NPHP1: variants seen among roughly 807,000 people sequenced by gnomAD.
The protein encoded by NPHP1 is nephrocystin 1, also known as nephrocystin-1.
NPHP1 carries 70 observed loss-of-function variants against 90.4 expected under a neutral mutation model. The observed-to-expected ratio is 0.77, with a 90% CI of 0.64 to 0.95. NPHP1 has a LOEUF of 0.95. NPHP1 is among the 40% of genes least tolerant of loss of function. The pLI is 0.00. For synonymous variants in NPHP1, 256 were observed against 271.7 expected (o/e 0.94, Z 0.57); for missense variants, 764 against 795.9 (o/e 0.96, Z 0.48).
intron 2 of NPHP1, among the ~76,000 whole-genome samples, chr2:110,190,071 G>A (rs1353128985): frequency 6.6e-6 from 1 of 152,184 alleles, no homozygotes; most frequent in African/African-American, 2.4e-5. Context: ...TACAAACCTT[G>A]AGCTAGATAC....
At chr2:110,194,442 C>G (rs1469771373) in intron 2 of NPHP1, among the ~76,000 whole-genome samples, 1 of 152,066 alleles carries the variant, frequency 6.6e-6, no homozygotes, top group Non-Finnish European at 1.5e-5. Context: ...ATACACCCTC[C>G]CAAGACTAAA....
At chr2:110,181,088 A>C (rs1034051532) in intron 2 of NPHP1, among the ~76,000 whole-genome samples, 2 of 152,136 alleles carry the variant, frequency 1.3e-5, no homozygotes, top group African/African-American at 4.8e-5. Flanking sequence ...GTTAAGACCC[A>C]CTGGCTTGGA....
At chr2:110,204,605 G>A (rs1685802858) in intron 1 of NPHP1, among the ~76,000 whole-genome samples, 1 of 152,104 alleles carries the variant, frequency 6.6e-6, no homozygotes, top group African/African-American at 2.4e-5. Context: ...AGTTGTTAGG[G>A]TAGGAGGTTG....
intron 11 of NPHP1, among the ~76,000 whole-genome samples, chr2:110,156,043 G>A (rs1681862219): frequency 6.6e-6 from 1 of 151,252 alleles, no homozygotes; most frequent in African/African-American, 2.4e-5. Context: ...AAACCAGTAG[G>A]AAGTGATTGA....
At chr2:110,126,394 C>G (rs1272750498) in intron 18 of NPHP1, 2 of 152,494 alleles carry the variant, frequency 1.3e-5, no homozygotes, top group Admixed American at 1.3e-4. Context: ...AGCAGGGAGG[C>G]CCTGGGATGA....
Position 110,131,753 on chromosome 2 carries a change from A to C in NPHP1, c.1568T>G (p.Ile523Ser). Reference sequence around the variant, plus strand: ...TTGTCGATAAAATATCAACAAGTGAATAGAACACATATTTCCAATTAATGT... The same window carrying C: ...TTGTCGATAAAATATCAACAAGTGACTAGAACACATATTTCCAATTAATGT... The part of the protein sequence containing the change: ...PETLIGNMCS[I>S]HLLIFYRQIL... The change falls in exon 17 of 20, where the codon ATT (isoleucine) becomes AGT (serine). Residue 523 changes from isoleucine (I) to serine (S), a missense_variant. Coordinates refer to ENST00000445609, the MANE Select transcript of NPHP1 (RefSeq NM_001128178.3). The C allele has an allele frequency of 6.2e-7, 1 of 1,611,986 alleles. No homozygotes were observed. Among genetic ancestry groups the C allele is most frequent in the Non-Finnish European group, 8.5e-7 (1 of 1,178,116 alleles).
At chr2:110,183,578 T>G (rs1684064277) in intron 2 of NPHP1, among the ~76,000 whole-genome samples, 1 of 152,138 alleles carries the variant, frequency 6.6e-6, no homozygotes, top group South Asian at 2.1e-4. Context: ...TTTCTGTGTG[T>G]GTGTCTTTAA....
intron 4 of NPHP1, 81 bp downstream of exon 4, chr2:110,178,342 T>G: frequency 1.5e-6 from 2 of 1,309,838 alleles, no homozygotes; most frequent in Non-Finnish European, 1.1e-6. Flanking sequence ...TCTATACTGC[T>G]ATATGTCTTT....
intron 10 of NPHP1, among the ~76,000 whole-genome samples, 169 bp downstream of exon 10, chr2:110,161,434 G>T (rs1429962465): frequency 1.3e-5 from 2 of 152,132 alleles, no homozygotes. Context: ...AGTCAAGGTA[G>T]CAAGTCCAAA....
intron 17 of NPHP1, among the ~76,000 whole-genome samples, chr2:110,130,913 G>A (rs1361503438): frequency 1.3e-5 from 2 of 152,152 alleles, no homozygotes; most frequent in African/African-American, 2.4e-5. Flanking sequence ...TTTCAAAAGG[G>A]TGGAGAGGAT....
intron 1 of NPHP1, among the ~76,000 whole-genome samples, chr2:110,202,145 G>GTATTGA (rs924484561): frequency 6.6e-6 from 1 of 152,068 alleles, no homozygotes; most frequent in Non-Finnish European, 1.5e-5. Flanking sequence ...GGTATCCATT[G>GTATTGA]TATTGAATGT....
At position 110,129,262 on chromosome 2, in the gene NPHP1, G is replaced by C; in HGVS notation, c.1643-3C>G. On this transcript the variant is annotated splice_polypyrimidine_tract_variant and splice_region_variant and intron_variant, in intron 17 of 19. Transcript: ENST00000445609. ...CAGCATGGGATGGCTAATTAAATCTGAAATGCAAAACAACAGAAAGAATTT... is the reference window on the plus strand; with the variant it reads ...CAGCATGGGATGGCTAATTAAATCTCAAATGCAAAACAACAGAAAGAATTT... The C allele has an allele frequency of 6.2e-7, 1 of 1,610,988 alleles. No individual in the cohort carries two copies. Among genetic ancestry groups the C allele is most frequent in the East Asian group, 2.2e-5 (1 of 44,872 alleles).
chr2:110,151,622 G>A (rs1681477530), intron 11 of NPHP1, among the ~76,000 whole-genome samples: 1 of 151,916 alleles, frequency 6.6e-6, no homozygotes, highest in Non-Finnish European at 1.5e-5. Context: ...GTATTTTATG[G>A]GCAGCTGGAT....
intron 4 of NPHP1, among the ~76,000 whole-genome samples, chr2:110,177,842 A>G (rs1016516675): frequency 6.6e-6 from 1 of 152,018 alleles, no homozygotes; most frequent in African/African-American, 2.4e-5. Context: ...TCTGGGCTCA[A>G]GCAATCCTCC....
intron 4 of NPHP1, among the ~76,000 whole-genome samples, chr2:110,171,416 T>C (rs1436420093): frequency 6.6e-6 from 1 of 152,142 alleles, no homozygotes; most frequent in Non-Finnish European, 1.5e-5. Context: ...TCATTAACTA[T>C]AAAACTAGTC....
chr2:110,165,339 G>A (rs1682658239), intron 6 of NPHP1, among the ~76,000 whole-genome samples, 184 bp from the exon 7 acceptor site: 1 of 152,050 alleles, frequency 6.6e-6, no homozygotes, highest in African/African-American at 2.4e-5. Flanking sequence ...TAGTATATAT[G>A]ATGAGCATAT....
At position 110,144,522 on chromosome 2, in the gene NPHP1, A is replaced by G; in HGVS notation, c.1400T>C (p.Ile467Thr). The change falls in exon 15 of 20, where the codon ATT (isoleucine) becomes ACT (threonine). Residue 467 changes from isoleucine to threonine, a missense_variant. By Grantham distance (89) the Ile-to-Thr change is moderately conservative. Coordinates refer to ENST00000445609, the MANE Select transcript of NPHP1 (RefSeq NM_001128178.3). The part of the protein sequence containing the change: ...LNGGTPYEKG[I>T]EVDPSISRRA... ...TCTGGATATTGAAGGGTCCACTTCA[A>G]TACCTTTTTCATAAGGAGTACCACC... 1 of 1,607,614 alleles carries G rather than the reference A, an allele frequency of 6.2e-7. No individual in the cohort carries two copies. Among genetic ancestry groups the G allele is most frequent in the Non-Finnish European group, 8.5e-7 (1 of 1,174,236 alleles).
chr2:110,186,518 C>T (rs1345569436), intron 2 of NPHP1, among the ~76,000 whole-genome samples: 1 of 152,086 alleles, frequency 6.6e-6, no homozygotes, highest in Non-Finnish European at 1.5e-5. Context: ...AGGAGTAGTC[C>T]AAAGGCCTTT....
chr2:110,166,766 T>A (rs1481557053), intron 6 of NPHP1, among the ~76,000 whole-genome samples: 1 of 152,188 alleles, frequency 6.6e-6, no homozygotes, highest in Non-Finnish European at 1.5e-5. Flanking sequence ...TAATCCCATG[T>A]TCTTTGCAAC....
Sources: gnomAD v4.1 joint callset for allele counts (sites outside exome capture counted in the v4.1 genomes callset) on GRCh38, gnomAD v4.1.1 for gene constraint, MANE v1.5 for transcripts, NCBI Gene and HGNC (gene_info 2026-07-23, HGNC 2026-07-21) for gene names.